Variants in CWF19L2 observed in about 807,000 individuals in gnomAD.
CWF19L2 encodes CWF19 like cell cycle control factor 2.
Under a neutral mutation model 111.7 loss-of-function variants are expected in CWF19L2, and 98 were observed. The observed-to-expected ratio is 0.88, with a 90% CI of 0.75 to 1.04. CWF19L2 has a LOEUF of 1.04. CWF19L2 is among the 50% of genes least tolerant of loss of function. CWF19L2 has a pLI of 0.00. For missense variants in CWF19L2, 1,101 were observed against 1,051.4 expected (o/e 1.05, Z -0.65); for synonymous variants, 351 against 342.9 (o/e 1.02, Z -0.26).
chr11:107,406,200 G>A (rs773511509), intron 10 of CWF19L2, among the ~76,000 whole-genome samples: 3 of 152,172 alleles, frequency 2.0e-5, no homozygotes, highest in Non-Finnish European at 4.4e-5. Flanking sequence ...CTAGCATTGG[G>A]AAATAAAGCA....
At chr11:107,444,689 G>T (rs888430893) in intron 3 of CWF19L2, among the ~76,000 whole-genome samples, 5 of 152,120 alleles carry the variant, frequency 3.3e-5, no homozygotes, top group African/African-American at 1.2e-4. Flanking sequence ...AACTCAGTAA[G>T]AACAGAAGAT....
rs761215951 is a variant in CWF19L2, at chr11:107,442,735, AAAGGAAGGAAGG to A, written c.450+192_450+203del. Among the ~76,000 whole-genome samples, 261 of 72,978 alleles carry A rather than the reference AAAGGAAGGAAGG, an allele frequency of 3.6e-3. 1 individual carries two copies. Among genetic ancestry groups the A allele is most frequent in the East Asian group, 8.3e-3 (16 of 1,932 alleles). 47.9% of individuals were successfully genotyped at this position (72,978 alleles called of 152,430 possible). A position where few individuals can be genotyped will look rare whatever the true frequency, so the allele number is the denominator to read the frequency against. On this transcript the variant is annotated intron_variant, in intron 4 of 17. Transcript: ENST00000282251. ...GAGAGAGAGAGAAAGAGAAAGAAAGAAAGGAAGGAAGGAAGGAAGGAAGGAAGGAAGGAAGGA... is the reference window on the plus strand; with the variant it reads ...GAGAGAGAGAGAAAGAGAAAGAAAGAAAGGAAGGAAGGAAGGAAGGAAGGA...
rs552585286 is a variant in CWF19L2, at chr11:107,392,881, T to C, written c.1632A>G (p.Gln544=). The C allele has an allele frequency of 3.2e-6, 5 of 1,562,610 alleles. No homozygotes were observed. The highest frequency in any genetic ancestry group is 4.3e-6 in the Non-Finnish European group (5 of 1,160,440). The change falls in exon 11 of 18, where the codon CAA becomes CAG. Residue 544 remains glutamine, a synonymous_variant. Transcript: ENST00000282251. ...GATCTGTTCTGACAAGGATTACTTC[T>C]TGCTGGTCTTCATTCTATAAAAAGA... is the stretch of plus-strand genomic sequence containing the variant. ...KKSGVENEDQ[Q]EVILVRTDQS...
At chr11:107,344,056 T>C (rs1042863426) in intron 14 of CWF19L2, among the ~76,000 whole-genome samples, 2 of 151,992 alleles carry the variant, frequency 1.3e-5, no homozygotes, top group African/African-American at 4.8e-5. Flanking sequence ...CTACTAAAAA[T>C]ACAAAAATTA....
chr11:107,403,691 T>TG, intron 10 of CWF19L2: 2 of 787,874 alleles, frequency 2.5e-6, no homozygotes, highest in South Asian at 2.7e-5. Flanking sequence ...GATGCTGCCC[T>TG]GACTGCACTC....
chr11:107,349,482 C>G (rs1022813095), intron 13 of CWF19L2, among the ~76,000 whole-genome samples: 4 of 152,128 alleles, frequency 2.6e-5, no homozygotes, highest in Non-Finnish European at 4.4e-5. Flanking sequence ...ATCAGGCCTT[C>G]CTTCTCTGAT....
At position 107,429,033 on chromosome 11, in the gene CWF19L2, G is replaced by A; in HGVS notation, c.1199C>T (p.Ser400Phe). 6.2e-7 allele frequency: 1 copy of A among 1,613,778 alleles called. No homozygotes were observed. The highest frequency in any genetic ancestry group is 8.5e-7 in the Non-Finnish European group (1 of 1,179,796). The change falls in exon 8 of 18, where the codon TCT becomes TTT. Residue 400 changes from serine (S) to phenylalanine (F), a missense_variant. Coordinates refer to ENST00000282251, the MANE Select transcript of CWF19L2 (RefSeq NM_152434.3). ...GGGTTTTCTAAAACCACTACACAAA[G>A]AGCCCTGAGCTACCAATGCTGAAGA... ...SSSSALVAQG[S>F]LCSGFRKPTK... is the part of the protein sequence containing the mutation.
At chr11:107,363,225 T>G (rs1004326094) in intron 12 of CWF19L2, among the ~76,000 whole-genome samples, 1 of 151,948 alleles carries the variant, frequency 6.6e-6, no homozygotes, top group African/African-American at 2.4e-5. Flanking sequence ...ACAGGGAGAA[T>G]GGAACCAAGT....
intron 12 of CWF19L2, among the ~76,000 whole-genome samples, chr11:107,360,222 T>C (rs1031289372): frequency 6.6e-6 from 1 of 152,252 alleles, no homozygotes; most frequent in East Asian, 1.9e-4. Context: ...TTTGTCTTTC[T>C]GTGCCCGACT....
intron 10 of CWF19L2, among the ~76,000 whole-genome samples, chr11:107,413,911 A>T (rs983384776): frequency 1.1e-4 from 16 of 152,224 alleles, no homozygotes; most frequent in African/African-American, 3.6e-4. Flanking sequence ...AACCAGTTTT[A>T]AACTTCATTA....
At chr11:107,405,724 T>A (rs1187045579) in intron 10 of CWF19L2, among the ~76,000 whole-genome samples, 2 of 151,998 alleles carry the variant, frequency 1.3e-5, no homozygotes, top group Admixed American at 6.6e-5. Context: ...AAGAGGCAGT[T>A]CATAGACTGC....
At chr11:107,434,414 G>T (rs1259608059) in intron 6 of CWF19L2, among the ~76,000 whole-genome samples, 1 of 151,224 alleles carries the variant, frequency 6.6e-6, no homozygotes, top group Non-Finnish European at 1.5e-5. Flanking sequence ...TATGTGTAAA[G>T]AGGAAATCAA....
chr11:107,441,692 A>C, intron 4 of CWF19L2, 70 bp from the exon 5 acceptor site: 1 of 1,369,314 alleles, frequency 7.3e-7, no homozygotes, highest in South Asian at 1.9e-5. Flanking sequence ...ATTAGAATTT[A>C]ATAAACACTT....
rs1185390836 is a variant in CWF19L2, at chr11:107,369,362, G to A, written c.1873-15626C>T. On this transcript the variant is annotated intron_variant, in intron 12 of 17. Coordinates refer to ENST00000282251, the MANE Select transcript of CWF19L2 (RefSeq NM_152434.3). ...TAGAGCTTCAGAGGCACCCTCTCTA[G>A]GTAATCAATAAATAGTTGTTGCATT... Among the ~76,000 whole-genome samples the A allele has an allele frequency of 2.2e-5, 3 of 136,942 alleles. 1 individual carries two copies. Among genetic ancestry groups the A allele is most frequent in the East Asian group, 2.1e-4 (1 of 4,754 alleles). The allele number at this position is 136,942 out of a possible 152,430, so 89.8% of individuals were successfully genotyped here.
At chr11:107,413,438 T>C (rs984587959) in intron 10 of CWF19L2, among the ~76,000 whole-genome samples, 9 of 152,182 alleles carry the variant, frequency 5.9e-5, no homozygotes, top group African/African-American at 1.9e-4. Context: ...AAAGAGACAC[T>C]GGTTATGTGT....
Position 107,359,197 on chromosome 11 carries a change from C to T in CWF19L2, c.1873-5461G>A, listed in dbSNP as rs117782399. Among the ~76,000 whole-genome samples the T allele has an allele frequency of 7.7e-3, 1,178 of 152,308 alleles. 5 individuals carry two copies. Among genetic ancestry groups the T allele is most frequent in the Non-Finnish European group, 0.013 (881 of 68,030 alleles). On this transcript the variant is annotated intron_variant, in intron 12 of 17. Coordinates refer to ENST00000282251, the MANE Select transcript of CWF19L2 (RefSeq NM_152434.3). ...ACACTGAGCCCGATAGGATAACTCT[C>T]CCTCTAGCAGCAAGGTGAATACAAC... is the stretch of plus-strand genomic sequence containing the variant.
At chr11:107,410,249 G>C (rs1208900021) in intron 10 of CWF19L2, among the ~76,000 whole-genome samples, 3 of 151,834 alleles carry the variant, frequency 2.0e-5, no homozygotes, top group Non-Finnish European at 2.9e-5. Context: ...AATCTCCATA[G>C]TAGTAAACAA....
intron 2 of CWF19L2, among the ~76,000 whole-genome samples, chr11:107,454,971 A>C (rs1350848180): frequency 6.6e-6 from 1 of 152,190 alleles, no homozygotes; most frequent in African/African-American, 2.4e-5. Flanking sequence ...GGCCATAAAA[A>C]ATATAACAAG....
At chr11:107,379,031 G>C (rs1489134418) in intron 12 of CWF19L2, among the ~76,000 whole-genome samples, 2 of 152,074 alleles carry the variant, frequency 1.3e-5, no homozygotes, top group African/African-American at 4.8e-5. Context: ...AATGGTATAG[G>C]AAATACTGAA....
Sources: allele counts gnomAD v4.1 joint callset (sites outside exome capture counted in the v4.1 genomes callset), GRCh38; gene constraint gnomAD v4.1.1; transcripts MANE v1.5; gene names NCBI Gene and HGNC (gene_info 2026-07-23, HGNC 2026-07-21).